Variants in PCYT1B observed in about 807,000 individuals in gnomAD.
PCYT1B encodes the protein phosphate cytidylyltransferase 1B, choline.
In PCYT1B, 10 loss-of-function variants were observed where a neutral mutation model predicts 26.4. The ratio of observed to expected loss-of-function variants is 0.38; its 90% CI spans 0.23 to 0.64. PCYT1B has a LOEUF of 0.64. PCYT1B is among the 30% of genes least tolerant of loss of function. The pLI is 0.56. For synonymous variants in PCYT1B, 131 were observed against 108.4 expected, an observed-to-expected ratio of 1.21 and a Z score of -1.29; for missense variants, 161 against 292.7, an observed-to-expected ratio of 0.55 and a Z score of 3.28.
intron 3 of PCYT1B, among the ~76,000 whole-genome samples, chrX:24,598,126 C>T (rs1460231219): frequency 1.8e-5 from 2 of 111,742 alleles, no homozygotes; most frequent in Non-Finnish European, 3.8e-5. Flanking sequence ...TTTCAAGATA[C>T]ATTGGAATAG....
At chrX:24,602,773 C>A (rs1432648399) in intron 3 of PCYT1B, among the ~76,000 whole-genome samples, 1 of 111,722 alleles carries the variant, frequency 9.0e-6, no homozygotes, top group Non-Finnish European at 1.9e-5. Flanking sequence ...AATTAAGAAG[C>A]AGATATCTAA....
intron 5 of PCYT1B, among the ~76,000 whole-genome samples, chrX:24,583,017 A>G (rs754167070): frequency 4.4e-4 from 49 of 112,110 alleles, no homozygotes; most frequent in Non-Finnish European, 6.2e-4. Context: ...TACTAGGGCA[A>G]GTAAAATGCT....
At chrX:24,641,814 T>A (rs1043690904) in intron 1 of PCYT1B, among the ~76,000 whole-genome samples, 1 of 112,430 alleles carries the variant, frequency 8.9e-6, no homozygotes, top group Non-Finnish European at 1.9e-5. Flanking sequence ...CAATTACACA[T>A]GTGGCTCATG....
chrX:24,625,786 G>A (rs943290174), intron 1 of PCYT1B, among the ~76,000 whole-genome samples: 1 of 101,554 alleles, frequency 9.8e-6, no homozygotes, highest in Non-Finnish European at 2.0e-5. Flanking sequence ...GGGGAAGAGA[G>A]AGAAAAAGAA....
chrX:24,580,079 G>T (rs1011658061), intron 5 of PCYT1B, among the ~76,000 whole-genome samples: 2 of 112,491 alleles, frequency 1.8e-5, no homozygotes, highest in Non-Finnish European at 3.8e-5. Flanking sequence ...GGAGACTAAA[G>T]TGAGAGGATC....
chrX:24,629,780 C>A (rs1341070096), intron 1 of PCYT1B, among the ~76,000 whole-genome samples: 3 of 109,505 alleles, frequency 2.7e-5, no homozygotes, highest in Non-Finnish European at 5.7e-5. Context: ...ACTTATAAAC[C>A]AAACTCCATC....
intron 5 of PCYT1B, 95 bp downstream of exon 5, chrX:24,587,146 G>T (rs954362758): frequency 3.3e-6 from 2 of 600,162 alleles, no homozygotes; most frequent in Non-Finnish European, 5.5e-6. Context: ...CTCCCTGTTT[G>T]TATACACTGC....
intron 1 of PCYT1B, among the ~76,000 whole-genome samples, chrX:24,666,876 C>G (rs1195582859): frequency 4.5e-5 from 5 of 110,775 alleles, no homozygotes; most frequent in African/African-American, 1.6e-4. Context: ...ACTCATAAGA[C>G]TTATTTTCTC....
upstream of PCYT1B, among the ~76,000 whole-genome samples, chrX:24,648,005 A>G (rs767943103): frequency 8.9e-6 from 1 of 112,319 alleles, no homozygotes; most frequent in South Asian, 3.7e-4. Context: ...TTTCCTCAAG[A>G]AGTCTTGCTG....
intron 1 of PCYT1B, among the ~76,000 whole-genome samples, chrX:24,671,337 G>GAATCAATC (rs752057021): frequency 0.014 from 1,248 of 87,356 alleles, 25 homozygotes; most frequent in African/African-American, 0.046. Context: ...ATGAATGAAT[G>GAATCAATC]AATGAATCAA....
intron 1 of PCYT1B, among the ~76,000 whole-genome samples, chrX:24,655,558 G>A (rs145631457): frequency 5.9e-3 from 660 of 112,014 alleles, no homozygotes; most frequent in Non-Finnish European, 0.011. Flanking sequence ...CGAGGTGGGC[G>A]GATCACCTGA....
chrX:24,564,736 C>T (rs1003248624), intron 7 of PCYT1B, among the ~76,000 whole-genome samples: 1 of 111,359 alleles, frequency 9.0e-6, no homozygotes, highest in Non-Finnish European at 1.9e-5. Flanking sequence ...CTCCCAAATT[C>T]CCTCATGACC....
intron 1 of PCYT1B, among the ~76,000 whole-genome samples, chrX:24,633,717 G>A (rs1341070444): frequency 9.0e-6 from 1 of 111,193 alleles, no homozygotes; most frequent in Non-Finnish European, 1.9e-5. Flanking sequence ...GTTTGGTGAT[G>A]TTGTTGTGGC....
At chrX:24,648,188 T>G (rs936043474), upstream of PCYT1B, among the ~76,000 whole-genome samples, 1 of 111,617 alleles carries the variant, frequency 9.0e-6, no homozygotes, top group Non-Finnish European at 1.9e-5. Flanking sequence ...TCTAGGGACA[T>G]TCACATTTTA....
intron 1 of PCYT1B, among the ~76,000 whole-genome samples, chrX:24,670,095 A>G (rs1315707661): frequency 5.5e-5 from 5 of 91,253 alleles, no homozygotes; most frequent in African/African-American, 8.0e-5. Context: ...AAAGAAAGAA[A>G]GAAAGAAAGA....
intron 1 of PCYT1B, 179 bp from the exon 2 acceptor site, chrX:24,619,263 T>G (rs1375385670): frequency 4.8e-6 from 2 of 418,968 alleles, no homozygotes; most frequent in African/African-American, 5.0e-5. Context: ...CACTGAAACC[T>G]TTTGGTTTGT....
intron 3 of PCYT1B, among the ~76,000 whole-genome samples, chrX:24,597,123 CTTTTCTTTTTTT>C (rs1213836345): frequency 9.2e-6 from 1 of 108,533 alleles, no homozygotes; most frequent in Non-Finnish European, 1.9e-5. Flanking sequence ...TTTCTTTTTT[CTTTTCTTTTTTT>C]TTTTTTTGAG....
At chrX:24,629,989 C>T (rs949824355) in intron 1 of PCYT1B, among the ~76,000 whole-genome samples, 1 of 111,756 alleles carries the variant, frequency 8.9e-6, no homozygotes, top group Admixed American at 9.6e-5. Context: ...CACATTGTAA[C>T]ACCATTGAAA....
At position 24,562,354 on chromosome X, in the gene PCYT1B, G is replaced by C; in HGVS notation, c.1049C>G (p.Ser350Ter). ...GATAGAGGCTGAGGCTGCTTTGGGT[G>C]AGGAAGGGGGTGAGGTTTTGAGTGG... ...WLPLKTSPPS[S>*]PKAASASISS... The change falls in exon 8 of 8, where the codon TCA (serine) becomes TGA (stop). Residue 350 changes from serine (S) to a stop codon, truncating the protein, a stop_gained. Transcript: ENST00000379144. LOFTEE classifies it high-confidence loss of function. 1 of 1,172,483 alleles carries C rather than the reference G, an allele frequency of 8.5e-7. No homozygotes were observed. Among genetic ancestry groups the C allele is most frequent in the Non-Finnish European group, 1.1e-6 (1 of 877,296 alleles).
Sources: gnomAD v4.1 joint callset for allele counts (sites outside exome capture counted in the v4.1 genomes callset) on GRCh38, gnomAD v4.1.1 for gene constraint, MANE v1.5 for transcripts, NCBI Gene and HGNC (gene_info 2026-07-23, HGNC 2026-07-21) for gene names.